CREB5: variants seen among roughly 807,000 people sequenced by gnomAD.
The protein encoded by CREB5 is cyclic AMP-responsive element-binding protein 5.
In CREB5, 19 loss-of-function variants were observed where a neutral mutation model predicts 57.1. The observed-to-expected ratio is 0.33, with a 90% CI of 0.23 to 0.49. CREB5 has a LOEUF of 0.49. Ranked by LOEUF, CREB5 falls within the 20% of genes least tolerant of loss-of-function variation. CREB5 has a pLI of 0.99. For missense variants in CREB5, 579 were observed against 671.6 expected (o/e 0.86, Z 1.52); for synonymous variants, 238 against 238.3 (o/e 1.00, Z 0.01).
At chr7:28,669,125 T>C (rs1279970894) in intron 5 of CREB5, among the ~76,000 whole-genome samples, 1 of 152,170 alleles carries the variant, frequency 6.6e-6, no homozygotes, top group Non-Finnish European at 1.5e-5. Context: ...AACTATGAGC[T>C]GTGAAGGATG....
chr7:28,408,050 C>A (rs1787624299), upstream of CREB5, among the ~76,000 whole-genome samples: 1 of 152,162 alleles, frequency 6.6e-6, no homozygotes. Flanking sequence ...CACCAATAAC[C>A]CACAAGAAGG....
chr7:28,647,828 C>T (rs1798944232), intron 5 of CREB5, among the ~76,000 whole-genome samples: 1 of 152,080 alleles, frequency 6.6e-6, no homozygotes, highest in Admixed American at 6.5e-5. Context: ...CACCTATAAT[C>T]CCAGCACTTT....
chr7:28,741,626 A>C (rs1804353426), intron 7 of CREB5, among the ~76,000 whole-genome samples: 2 of 152,226 alleles, frequency 1.3e-5, no homozygotes, highest in Non-Finnish European at 1.5e-5. Context: ...GATCTTCGTC[A>C]TGACTGTTCT....
intron 5 of CREB5, among the ~76,000 whole-genome samples, chr7:28,657,338 C>G (rs1482859996): frequency 6.6e-6 from 1 of 152,148 alleles, no homozygotes; most frequent in Non-Finnish European, 1.5e-5. Context: ...ATAATTCTCG[C>G]CAGTGATATT....
chr7:28,637,610 G>A (rs1179969029), intron 5 of CREB5, among the ~76,000 whole-genome samples: 9 of 152,144 alleles, frequency 5.9e-5, no homozygotes, highest in Admixed American at 5.9e-4. Flanking sequence ...GAGACCCCAA[G>A]GATCAGAAAG....
At chr7:28,353,559 C>T (rs576849651) in intron 1 of CREB5, among the ~76,000 whole-genome samples, 3 of 152,128 alleles carry the variant, frequency 2.0e-5, no homozygotes, top group Admixed American at 1.3e-4. Context: ...AATGGGAGAA[C>T]GGGTCCAGGC....
chr7:28,666,489 A>G (rs1393664627), intron 5 of CREB5, among the ~76,000 whole-genome samples: 1 of 152,172 alleles, frequency 6.6e-6, no homozygotes, highest in East Asian at 1.9e-4. Context: ...GATCCTTTAC[A>G]TATGCAGGTG....
At chr7:28,545,434 ATTTCT>A (rs1208952536) in intron 4 of CREB5, among the ~76,000 whole-genome samples, 2 of 152,134 alleles carry the variant, frequency 1.3e-5, no homozygotes, top group Non-Finnish European at 2.9e-5. Context: ...GCTATGGTAC[ATTTCT>A]TTTCTTTTCA....
At chr7:28,654,772 G>T (rs1799271195) in intron 5 of CREB5, among the ~76,000 whole-genome samples, 1 of 152,168 alleles carries the variant, frequency 6.6e-6, no homozygotes, top group Non-Finnish European at 1.5e-5. Flanking sequence ...GATGAAAAAT[G>T]AGAGGTTCAA....
chr7:28,754,389 A>C (rs979886144), intron 7 of CREB5, among the ~76,000 whole-genome samples: 7 of 152,374 alleles, frequency 4.6e-5, no homozygotes, highest in Admixed American at 2.0e-4. Context: ...GCATGTGGCC[A>C]GAACCTCAGC....
At chr7:28,488,308 T>C in intron 2 of CREB5, 62 bp downstream of exon 2, 5 of 1,489,872 alleles carry the variant, frequency 3.4e-6, no homozygotes, top group Non-Finnish European at 4.7e-6. Context: ...GGGAAGCAAC[T>C]CTCACCCGGC....
At position 28,631,246 on chromosome 7, in the gene CREB5, C is replaced by T. The variant is rs1046408197; in HGVS notation, c.464+60709C>T. On this transcript the variant is annotated intron_variant, in intron 5 of 10. Transcript: ENST00000357727. Reference sequence around the variant, plus strand: ...CTGGGATACTGGAATAACTGGGATACTCTGTAGCACCCTTCACAGCTGTTT... The same window carrying T: ...CTGGGATACTGGAATAACTGGGATATTCTGTAGCACCCTTCACAGCTGTTT... 2.0e-5 allele frequency among the ~76,000 whole-genome samples: 3 copies of T among 152,170 alleles called. No individual in the cohort carries two copies. In the East Asian group the frequency reaches 5.8e-4, roughly 29 times the overall value.
intron 7 of CREB5, among the ~76,000 whole-genome samples, chr7:28,745,985 C>T (rs1317429628): frequency 2.0e-5 from 3 of 152,196 alleles, no homozygotes; most frequent in African/African-American, 7.2e-5. Flanking sequence ...ATCAATGCTT[C>T]TACTCACTGT....
intron 1 of CREB5, among the ~76,000 whole-genome samples, chr7:28,474,173 T>C (rs1429434847): frequency 2.0e-5 from 3 of 152,158 alleles, no homozygotes; most frequent in Non-Finnish European, 4.4e-5. Context: ...TTTGGAACTT[T>C]CTTTGAGTAT....
At chr7:28,782,661 T>C (rs1281050651) in intron 7 of CREB5, among the ~76,000 whole-genome samples, 3 of 152,166 alleles carry the variant, frequency 2.0e-5, no homozygotes, top group Non-Finnish European at 2.9e-5. Flanking sequence ...TCTTTAGGTA[T>C]TGGAATGCAC....
intron 5 of CREB5, among the ~76,000 whole-genome samples, chr7:28,642,923 CACAA>C (rs1222198504): frequency 4.7e-5 from 7 of 149,794 alleles, no homozygotes; most frequent in African/African-American, 1.5e-4. Context: ...TAAGATATGC[CACAA>C]ACAGACCGAA....
intron 7 of CREB5, among the ~76,000 whole-genome samples, chr7:28,803,471 G>C (rs553365853): frequency 2.6e-5 from 4 of 152,262 alleles, no homozygotes; most frequent in African/African-American, 9.6e-5. Flanking sequence ...ACAAGATACA[G>C]TGGCTGGCCG....
chr7:28,412,774 C>A lies in CREB5; in HGVS notation c.-141C>A. ...AAAGCTAGTTTCACTATCTTCTGGT[C>A]TGAAATACTGAGGCAAATACTCAAG... is the stretch of plus-strand genomic sequence containing the variant. On this transcript the variant is annotated 5_prime_UTR_variant, in exon 1 of 11. In the 5' UTR this introduces an upstream ATG that the reference lacks. Coordinates refer to ENST00000357727, the MANE Select transcript of CREB5 (RefSeq NM_182898.4). 1 of 645,782 alleles carries A rather than the reference C, an allele frequency of 1.5e-6. No individual in the cohort carries two copies. The highest frequency in any genetic ancestry group is 1.8e-5 in the African/African-American group (1 of 54,202). The allele number at this position is 645,782 out of a possible 1,614,324, so 40.0% of individuals were successfully genotyped here.
At position 28,724,271 on chromosome 7, in the gene CREB5, C is replaced by G; in HGVS notation, c.641C>G (p.Pro214Arg). Reference protein sequence around the residue: ...VNSSIMGMQGPNLSNPCASPQ... With the variant: ...VNSSIMGMQGRNLSNPCASPQ... ...TCCAGCATCATGGGGATGCAAGGTCCAAATCTCAGCAACCCCTGTGCTTCT... is the reference window on the plus strand; with the variant it reads ...TCCAGCATCATGGGGATGCAAGGTCGAAATCTCAGCAACCCCTGTGCTTCT... The change falls in exon 7 of 11, where the codon CCA (proline) becomes CGA (arginine). Residue 214 changes from proline to arginine, a missense_variant. By Grantham distance (103) the Pro-to-Arg change is moderately radical (BLOSUM62 -2). Around this residue, in one of 3 missense-constraint regions of CREB5, gnomAD observed 459 missense variants for 515.7 expected, o/e 0.89. Coordinates refer to ENST00000357727, the MANE Select transcript of CREB5 (RefSeq NM_182898.4). 1 of 1,613,730 alleles carries G rather than the reference C, an allele frequency of 6.2e-7. No individual in the cohort carries two copies. Among genetic ancestry groups the G allele is most frequent in the Non-Finnish European group, 8.5e-7 (1 of 1,179,834 alleles).
Sources: gnomAD v4.1 joint callset for allele counts (sites outside exome capture counted in the v4.1 genomes callset) on GRCh38, gnomAD v4.1.1 for gene constraint, gnomAD v4.1.1 regional missense constraint, MANE v1.5 for transcripts, NCBI Gene and HGNC (gene_info 2026-07-23, HGNC 2026-07-21) for gene names.